Variants in FMN2 observed in about 807,000 individuals in gnomAD.
FMN2 encodes the protein formin 2.
A neutral mutation model predicts 142.3 loss-of-function variants in FMN2; 51 were observed. That is an observed-to-expected ratio of 0.36 (90% CI 0.29 to 0.45). The LOEUF is 0.45. Ranked by LOEUF, FMN2 falls within the 20% of genes least tolerant of loss-of-function variation. FMN2 has a pLI of 1.00. For missense variants in FMN2, 1,936 were observed against 2,122.8 expected (o/e 0.91, Z 1.73); for synonymous variants, 882 against 869.8 (o/e 1.01, Z -0.25).
At chr1:240,387,537 A>G (rs1258820892) in intron 14 of FMN2, among the ~76,000 whole-genome samples, 3 of 152,240 alleles carry the variant, frequency 2.0e-5, no homozygotes, top group East Asian at 1.9e-4. Flanking sequence ...GGACTTCTCC[A>G]TTCTATGCCA....
intron 14 of FMN2, among the ~76,000 whole-genome samples, chr1:240,372,119 A>G (rs977276002): frequency 6.6e-6 from 1 of 152,234 alleles, no homozygotes; most frequent in Admixed American, 6.5e-5. Flanking sequence ...ACCTGTAATC[A>G]CAGCTACTTG....
intron 13 of FMN2, among the ~76,000 whole-genome samples, chr1:240,335,032 G>T (rs904773727): frequency 1.3e-5 from 2 of 152,214 alleles, no homozygotes; most frequent in African/African-American, 4.8e-5. Flanking sequence ...TCCCAATTTT[G>T]AGATGTGTTT....
At chr1:240,179,617 C>G in intron 3 of FMN2, 1 of 152,172 alleles carries the variant, frequency 6.6e-6, no homozygotes, top group East Asian at 1.9e-4. Flanking sequence ...CAAAGATCTT[C>G]AGAGATCAGA....
At chr1:240,191,911 T>A (rs1483763808) in intron 4 of FMN2, among the ~76,000 whole-genome samples, 1 of 152,186 alleles carries the variant, frequency 6.6e-6, no homozygotes, top group Non-Finnish European at 1.5e-5. Context: ...TAATTGAAAG[T>A]CAGGTCTTTG....
intron 15 of FMN2, among the ~76,000 whole-genome samples, chr1:240,420,816 C>T (rs1674736453): frequency 6.6e-6 from 1 of 152,192 alleles, no homozygotes; most frequent in South Asian, 2.1e-4. Flanking sequence ...AGAACTCCAT[C>T]TCAGTCCCGG....
At chr1:240,417,950 A>G (rs1408615560) in intron 15 of FMN2, among the ~76,000 whole-genome samples, 3 of 152,026 alleles carry the variant, frequency 2.0e-5, no homozygotes, top group African/African-American at 7.2e-5. Context: ...TTTAATCATT[A>G]TACAATGTCC....
In FMN2 at chr1:240,474,621, T is replaced by C. The variant is rs1285651727; in HGVS notation, c.*467T>C. ...ATCAGTTTCATGTCTAAGTATAAATTTTCTATTTTAAAATTTAAGAACCGT... is the reference window on the plus strand; with the variant it reads ...ATCAGTTTCATGTCTAAGTATAAATCTTCTATTTTAAAATTTAAGAACCGT... On this transcript the variant is annotated 3_prime_UTR_variant, in exon 18 of 18. Coordinates refer to ENST00000319653, the MANE Select transcript of FMN2 (RefSeq NM_020066.5). The C allele has an allele frequency of 2.0e-5, 3 of 153,016 alleles. No homozygotes were observed. The highest frequency in any genetic ancestry group is 7.2e-5 in the African/African-American group (3 of 41,478). 9.5% of individuals were successfully genotyped at this position (153,016 alleles called of 1,614,324 possible).
At chr1:240,292,543 C>A (rs1669831783) in intron 7 of FMN2, among the ~76,000 whole-genome samples, 1 of 152,108 alleles carries the variant, frequency 6.6e-6, no homozygotes, top group African/African-American at 2.4e-5. Flanking sequence ...TAGGAAACAC[C>A]TCACATTTGT....
At chr1:240,133,269 C>T (rs866625997) in intron 2 of FMN2, among the ~76,000 whole-genome samples, 2 of 152,130 alleles carry the variant, frequency 1.3e-5, no homozygotes, top group South Asian at 2.1e-4. Context: ...TGGGCTCAAC[C>T]GTTCCTCTCA....
chr1:240,220,527 G>A (rs1041748971), intron 6 of FMN2, among the ~76,000 whole-genome samples: 1 of 152,026 alleles, frequency 6.6e-6, no homozygotes, highest in Admixed American at 6.6e-5. Context: ...AGTAGGGAGG[G>A]TGTGAATACA....
intron 7 of FMN2, among the ~76,000 whole-genome samples, chr1:240,271,701 G>A (rs1669023187): frequency 6.6e-6 from 1 of 152,048 alleles, no homozygotes; most frequent in Non-Finnish European, 1.5e-5. Context: ...TTGTAGCCTT[G>A]TAGTGGAGAA....
chr1:240,401,508 T>C (rs546272379), intron 15 of FMN2, among the ~76,000 whole-genome samples: 68 of 152,360 alleles, frequency 4.5e-4, no homozygotes, highest in African/African-American at 1.4e-3. Flanking sequence ...GGTGAGATTC[T>C]GTTTTTATCT....
chr1:240,385,103 G>C (rs1051516826), intron 14 of FMN2, among the ~76,000 whole-genome samples: 2 of 152,150 alleles, frequency 1.3e-5, no homozygotes, highest in Non-Finnish European at 2.9e-5. Flanking sequence ...AATGACCTAG[G>C]CTTTAAGCAT....
chr1:240,217,875 T>G (rs182096750), intron 6 of FMN2, among the ~76,000 whole-genome samples: 1 of 152,286 alleles, frequency 6.6e-6, no homozygotes, highest in East Asian at 1.9e-4. Flanking sequence ...TCCTTCACCT[T>G]GCTAGATTAT....
rs560154804 is a variant in FMN2 at position 240,366,929 on chromosome 1, C to T, written c.4858+11021C>T. ...ACAATTCCTGATCCACATCCATACT[C>T]CCTTTTTGTGTTGCAAACCTAGGAG... On this transcript the variant is annotated intron_variant, in intron 14 of 17. Coordinates refer to ENST00000319653, the MANE Select transcript of FMN2 (RefSeq NM_020066.5). 7.2e-5 allele frequency among the ~76,000 whole-genome samples: 11 copies of T among 152,266 alleles called. No homozygotes were observed. In the East Asian group the frequency reaches 2.1e-3, roughly 29 times the overall value.
intron 13 of FMN2, among the ~76,000 whole-genome samples, chr1:240,342,909 G>C (rs1359199107): frequency 2.0e-5 from 3 of 151,938 alleles, no homozygotes; most frequent in Non-Finnish European, 1.5e-5. Context: ...TAGTTATTAG[G>C]TATACTTGGA....
intron 3 of FMN2, among the ~76,000 whole-genome samples, chr1:240,184,523 T>G (rs1370403111): frequency 1.3e-5 from 2 of 151,108 alleles, no homozygotes; most frequent in East Asian, 1.9e-4. Context: ...GCCTGTTTTT[T>G]TTTTTTTTTT....
At chr1:240,397,071 C>A (rs1241076342) in intron 15 of FMN2, among the ~76,000 whole-genome samples, 1 of 152,224 alleles carries the variant, frequency 6.6e-6, no homozygotes, top group Non-Finnish European at 1.5e-5. Context: ...TGCATTCCCA[C>A]CAACAGTGTA....
chr1:240,310,757 G>A (rs1372661732), intron 8 of FMN2, among the ~76,000 whole-genome samples: 1 of 152,150 alleles, frequency 6.6e-6, no homozygotes, highest in Non-Finnish European at 1.5e-5. Flanking sequence ...GGAAGCAGTA[G>A]ACTGTGGTGT....
Sources: allele counts gnomAD v4.1 joint callset (sites outside exome capture counted in the v4.1 genomes callset), GRCh38; gene constraint gnomAD v4.1.1; transcripts MANE v1.5; gene names NCBI Gene and HGNC (gene_info 2026-07-23, HGNC 2026-07-21).